Variants in AGO3 observed in about 807,000 individuals in gnomAD.
The protein encoded by AGO3 is argonaute RISC catalytic component 3.
A neutral mutation model predicts 105.5 loss-of-function variants in AGO3; 16 were observed. That is an observed-to-expected ratio of 0.15 (90% CI 0.10 to 0.23). The LOEUF is 0.23. Ranked by LOEUF, AGO3 falls within the 10% of genes least tolerant of loss-of-function variation. AGO3 has a pLI of 1.00. For missense variants in AGO3, 534 were observed against 1,088.0 expected (o/e 0.49, Z 7.16); for synonymous variants, 340 against 367.3 (o/e 0.93, Z 0.85).
At chr1:36,016,762 C>A (rs910731843) in intron 11 of AGO3, among the ~76,000 whole-genome samples, 2 of 152,114 alleles carry the variant, frequency 1.3e-5, no homozygotes, top group African/African-American at 4.8e-5. Context: ...CCTCCTTGTG[C>A]TGAAATTTCC....
intron 11 of AGO3, among the ~76,000 whole-genome samples, chr1:36,014,817 T>C (rs1270376885): frequency 6.6e-6 from 1 of 151,818 alleles, no homozygotes; most frequent in Non-Finnish European, 1.5e-5. Flanking sequence ...TGAAAAAATT[T>C]GTTAGTCATA....
At chr1:35,984,207 G>A (rs1436210151) in intron 5 of AGO3, among the ~76,000 whole-genome samples, 4 of 152,114 alleles carry the variant, frequency 2.6e-5, no homozygotes, top group African/African-American at 4.8e-5. Flanking sequence ...AGGGGCTCAC[G>A]CCTGTAGTCC....
chr1:36,005,666 T>G (rs1473507693), intron 6 of AGO3: 22 of 956,582 alleles, frequency 2.3e-5, no homozygotes, highest in Non-Finnish European at 2.5e-5. Context: ...TGAAGTCACT[T>G]ACATTATTTT....
chr1:35,944,804 C>T (rs186480641), intron 1 of AGO3, among the ~76,000 whole-genome samples: 1 of 151,946 alleles, frequency 6.6e-6, no homozygotes, highest in East Asian at 1.9e-4. Context: ...GCACCCAGCC[C>T]ACTTATCTTT....
chr1:36,051,019 G>A (rs898895884), intron 17 of AGO3, among the ~76,000 whole-genome samples: 2 of 152,036 alleles, frequency 1.3e-5, no homozygotes, highest in African/African-American at 4.8e-5. Flanking sequence ...TAGAGACAAG[G>A]TTTTTCACTA....
chr1:36,021,131 A>C (rs1161656966), intron 11 of AGO3, among the ~76,000 whole-genome samples: 2 of 151,938 alleles, frequency 1.3e-5, no homozygotes, highest in Non-Finnish European at 2.9e-5. Context: ...ATGGGGTTTC[A>C]TCATGTTGGC....
intron 11 of AGO3, among the ~76,000 whole-genome samples, chr1:36,026,135 G>A (rs970468318): frequency 1.6e-4 from 25 of 152,042 alleles, no homozygotes; most frequent in Admixed American, 1.5e-3. Flanking sequence ...GGAGACAAGA[G>A]TCTCACTCTG....
At chr1:36,033,735 G>A (rs553395153) in intron 12 of AGO3, among the ~76,000 whole-genome samples, 5 of 152,018 alleles carry the variant, frequency 3.3e-5, no homozygotes, top group Admixed American at 1.3e-4. Flanking sequence ...TGTTCTTTGC[G>A]CTATAATACC....
At chr1:36,046,012 G>A (rs1296106253) in intron 17 of AGO3, among the ~76,000 whole-genome samples, 1 of 152,144 alleles carries the variant, frequency 6.6e-6, no homozygotes, top group Non-Finnish European at 1.5e-5. Context: ...GGAACCAGGA[G>A]GAACTTCTCC....
intron 12 of AGO3, among the ~76,000 whole-genome samples, chr1:36,028,391 T>TCCCCCCCCCCCCC (rs771926822): frequency 8.6e-4 from 49 of 57,154 alleles, no homozygotes; most frequent in Non-Finnish European, 1.3e-3. Context: ...ATGCTATCCC[T>TCCCCCCCCCCCCC]CCCCCCCCCC....
Position 36,064,697 on chromosome 1 carries a change from T to C in AGO3, c.*8952T>C, listed in dbSNP as rs2148872414. Reference sequence around the variant, plus strand: ...CAGTTTAAAATAGATCAGCATGTGATTTCTTGTAGAGATTAGCCATTTCAT... The same window carrying C: ...CAGTTTAAAATAGATCAGCATGTGACTTCTTGTAGAGATTAGCCATTTCAT... On this transcript the variant is annotated 3_prime_UTR_variant, in exon 19 of 19. Transcript: ENST00000373191. The C allele has an allele frequency of 6.6e-6, 1 of 152,340 alleles. No homozygotes were observed. The highest frequency in any genetic ancestry group is 2.1e-4 in the South Asian group (1 of 4,826). 9.4% of individuals were successfully genotyped at this position (152,340 alleles called of 1,614,324 possible). A position where few individuals can be genotyped will look rare whatever the true frequency, so the allele number is the denominator to read the frequency against.
intron 8 of AGO3, 46 bp from the exon 9 acceptor site, chr1:36,009,429 A>C (rs1217648462): frequency 6.5e-7 from 1 of 1,546,728 alleles, no homozygotes; most frequent in Non-Finnish European, 8.7e-7. Flanking sequence ...AAGAGCTAAA[A>C]AAAAAAGATA....
intron 5 of AGO3, among the ~76,000 whole-genome samples, chr1:35,984,117 C>T (rs945064496): frequency 3.9e-5 from 6 of 152,076 alleles, no homozygotes; most frequent in Non-Finnish European, 8.8e-5. Context: ...AATGATTATA[C>T]AAGGCAATAT....
chr1:35,975,028 T>C (rs1182339296), intron 5 of AGO3, among the ~76,000 whole-genome samples: 1 of 152,210 alleles, frequency 6.6e-6, no homozygotes, highest in Non-Finnish European at 1.5e-5. Flanking sequence ...CAGTTTTCTT[T>C]AGATGTATAC....
chr1:35,982,748 G>A, intron 5 of AGO3: 1 of 664,182 alleles, frequency 1.5e-6, no homozygotes, highest in Non-Finnish European at 2.8e-6. Flanking sequence ...GGGATGGAGA[G>A]GAAGGATTAA....
chr1:35,937,828 A>C (rs1646179013), intron 1 of AGO3, among the ~76,000 whole-genome samples: 1 of 152,194 alleles, frequency 6.6e-6, no homozygotes, highest in Non-Finnish European at 1.5e-5. Flanking sequence ...ATTGAATGAA[A>C]AAGTGGAATT....
intron 2 of AGO3, among the ~76,000 whole-genome samples, chr1:35,966,140 T>C (rs1293054045): frequency 6.6e-5 from 10 of 152,170 alleles, no homozygotes; most frequent in Admixed American, 6.5e-4. Context: ...TCTTTTAAAT[T>C]AGTTTTAGAT....
At chr1:36,044,099 CTT>C (rs1349354418) in intron 17 of AGO3, among the ~76,000 whole-genome samples, 2 of 152,188 alleles carry the variant, frequency 1.3e-5, no homozygotes, top group African/African-American at 2.4e-5. Context: ...AATTCCAACA[CTT>C]TGGGAGGCTG....
At chr1:35,966,737 G>A (rs531012249) in intron 2 of AGO3, among the ~76,000 whole-genome samples, 4 of 152,224 alleles carry the variant, frequency 2.6e-5, no homozygotes, top group East Asian at 3.9e-4. Flanking sequence ...TAATATGCTC[G>A]CTTCATTCTT....
Sources: allele counts gnomAD v4.1 joint callset (sites outside exome capture counted in the v4.1 genomes callset), GRCh38; gene constraint gnomAD v4.1.1; transcripts MANE v1.5; gene names NCBI Gene and HGNC (gene_info 2026-07-23, HGNC 2026-07-21).